Variants in ROBO1 observed in about 807,000 individuals in gnomAD.
ROBO1 encodes roundabout homolog 1.
Under a neutral mutation model 195.9 loss-of-function variants are expected in ROBO1, and 149 were observed. The observed-to-expected ratio is 0.76, with a 90% CI of 0.67 to 0.87. ROBO1 has a LOEUF of 0.87. Ranked by LOEUF, ROBO1 falls within the 40% of genes least tolerant of loss-of-function variation. The probability of loss-of-function intolerance (pLI) is 0.00; values close to 1 mark genes in which losing one functional copy is unlikely to be tolerated. For synonymous variants in ROBO1, 816 were observed against 733.2 expected (o/e 1.11, Z -1.82); for missense variants, 1,933 against 2,068.3 (o/e 0.93, Z 1.27).
chr3:79,673,732 A>T (rs996407203), intron 1 of ROBO1, among the ~76,000 whole-genome samples: 3 of 152,006 alleles, frequency 2.0e-5, no homozygotes, highest in Non-Finnish European at 4.4e-5. Context: ...ATCATTTCTA[A>T]ACCAGAGTTT....
chr3:78,947,599 T>C (rs535524348), intron 3 of ROBO1, among the ~76,000 whole-genome samples: 1 of 151,968 alleles, frequency 6.6e-6, no homozygotes, highest in Admixed American at 6.5e-5. Flanking sequence ...CACCCTAACG[T>C]CACAATTAAA....
Position 78,668,049 on chromosome 3 carries a change from G to A in ROBO1, c.1800C>T (p.Ser600=), listed in dbSNP as rs1468473333. The A allele has an allele frequency of 6.2e-7, 1 of 1,613,416 alleles. No individual in the cohort carries two copies. The highest frequency in any genetic ancestry group is 2.2e-5 in the East Asian group (1 of 44,874). The change falls in exon 14 of 31, where the codon AGC becomes AGT. Residue 600 remains serine, a splice_region_variant and synonymous_variant. Transcript: ENST00000464233. ...TPTSYIIEAF[S]HASGSSWQTV... ...TCTGCCAGCTGCTACCAGATGCATG[G>A]CTAAGGATAGACACACAGGTTAGAA...
intron 27 of ROBO1, 129 bp from the exon 28 acceptor site, chr3:78,614,929 T>A: frequency 1.1e-6 from 1 of 939,862 alleles, no homozygotes; most frequent in Non-Finnish European, 1.5e-6. Context: ...AAAAAAAGCT[T>A]AAACAAACTC....
chr3:78,623,243 T>G (rs959371400), intron 26 of ROBO1, among the ~76,000 whole-genome samples: 8 of 152,072 alleles, frequency 5.3e-5, no homozygotes, highest in African/African-American at 1.9e-4. Context: ...TATCCCAAAG[T>G]TGGGACATCA....
chr3:78,702,591 A>G (rs531518825), intron 8 of ROBO1, among the ~76,000 whole-genome samples: 3 of 152,306 alleles, frequency 2.0e-5, no homozygotes, highest in Admixed American at 2.0e-4. Flanking sequence ...TCTCTCAATG[A>G]TAAGAGCAGA....
chr3:79,677,764 C>A (rs1407473840), intron 1 of ROBO1, among the ~76,000 whole-genome samples: 1 of 152,068 alleles, frequency 6.6e-6, no homozygotes, highest in Non-Finnish European at 1.5e-5. Context: ...TTAAAGATAT[C>A]AATTTTGCCA....
At chr3:78,792,229 A>G (rs2084042280) in intron 4 of ROBO1, among the ~76,000 whole-genome samples, 1 of 152,220 alleles carries the variant, frequency 6.6e-6, no homozygotes, top group African/African-American at 2.4e-5. Context: ...AATTTGTCTT[A>G]TAATTGAATG....
At chr3:79,567,326 C>A (rs1943121787) in intron 2 of ROBO1, among the ~76,000 whole-genome samples, 1 of 152,052 alleles carries the variant, frequency 6.6e-6, no homozygotes, top group Admixed American at 6.6e-5. Context: ...ATCTGCACAA[C>A]AAACCACCAG....
chr3:78,882,420 T>C (rs780378266), intron 4 of ROBO1, among the ~76,000 whole-genome samples: 75 of 152,222 alleles, frequency 4.9e-4, no homozygotes, highest in Non-Finnish European at 9.0e-4. Flanking sequence ...CGCCACTGTG[T>C]ACTGCCATCC....
At chr3:79,071,552 T>C (rs954105287) in intron 3 of ROBO1, among the ~76,000 whole-genome samples, 1 of 151,902 alleles carries the variant, frequency 6.6e-6, no homozygotes, top group Non-Finnish European at 1.5e-5. Flanking sequence ...CTCTTTTTTA[T>C]GGCAATTTCT....
chr3:79,372,618 C>T (rs2036240353), intron 2 of ROBO1, among the ~76,000 whole-genome samples: 1 of 152,050 alleles, frequency 6.6e-6, no homozygotes, highest in South Asian at 2.1e-4. Flanking sequence ...TACATACACA[C>T]ACAAAAGAAG....
chr3:78,828,567 T>G (rs2031849787), intron 4 of ROBO1, among the ~76,000 whole-genome samples: 1 of 152,224 alleles, frequency 6.6e-6, no homozygotes, highest in African/African-American at 2.4e-5. Flanking sequence ...GGTGTGTGAA[T>G]TTAATTACAA....
intron 2 of ROBO1, among the ~76,000 whole-genome samples, chr3:79,318,383 C>T (rs1475542683): frequency 6.6e-6 from 1 of 152,208 alleles, no homozygotes; most frequent in African/African-American, 2.4e-5. Context: ...ATTCCCATTG[C>T]ATATACTATG....
At chr3:78,788,905 A>G (rs765382102) in intron 4 of ROBO1, among the ~76,000 whole-genome samples, 5 of 152,190 alleles carry the variant, frequency 3.3e-5, no homozygotes, top group Non-Finnish European at 5.9e-5. Flanking sequence ...TAGATTGCAC[A>G]CTAAACAAGT....
rs142375369 is a variant in ROBO1, at chr3:79,051,150, T to C, written c.172+74306A>G. On this transcript the variant is annotated intron_variant, in intron 3 of 30. Coordinates refer to ENST00000464233, the MANE Select transcript of ROBO1 (RefSeq NM_002941.4). The stretch of plus-strand genomic sequence containing the variant: ...TTTTTTGAAAAGATCAAAAAACACA[T>C]AGACCAATAGCAAGACTAATAAAGA... 3.7e-3 allele frequency among the ~76,000 whole-genome samples: 561 copies of C among 151,776 alleles called. 7 individuals are homozygous for C. The highest frequency in any genetic ancestry group is 0.013 in the African/African-American group (522 of 41,404).
chr3:79,682,087 G>T (rs938906385), intron 1 of ROBO1, among the ~76,000 whole-genome samples: 1 of 151,830 alleles, frequency 6.6e-6, no homozygotes, highest in East Asian at 1.9e-4. Context: ...TGAATATTTT[G>T]TTAGAGTTTC....
chr3:79,365,553 T>C (rs2035938580), intron 2 of ROBO1, among the ~76,000 whole-genome samples: 1 of 152,242 alleles, frequency 6.6e-6, no homozygotes, highest in South Asian at 2.1e-4. Flanking sequence ...CCATTGAGTC[T>C]ATCAACTTGC....
chr3:79,128,804 T>C (rs545686835), intron 2 of ROBO1, among the ~76,000 whole-genome samples: 2 of 152,298 alleles, frequency 1.3e-5, no homozygotes, highest in South Asian at 4.1e-4. Context: ...TTAAGTCTTG[T>C]TTTTTAAATT....
At chr3:78,928,483 A>G (rs1393978433) in intron 4 of ROBO1, among the ~76,000 whole-genome samples, 1 of 152,124 alleles carries the variant, frequency 6.6e-6, no homozygotes, top group Admixed American at 6.5e-5. Flanking sequence ...TAAGAAATTG[A>G]CCTTATTGTC....
Sources: allele counts gnomAD v4.1 joint callset (sites outside exome capture counted in the v4.1 genomes callset), GRCh38; gene constraint gnomAD v4.1.1; transcripts MANE v1.5; gene names NCBI Gene and HGNC (gene_info 2026-07-23, HGNC 2026-07-21).